COL5A2: variants seen among roughly 807,000 people sequenced by gnomAD.
COL5A2 encodes collagen type V alpha 2 chain.
In COL5A2, 23 loss-of-function variants were observed where a neutral mutation model predicts 208.2. The observed-to-expected ratio is 0.11, with a 90% confidence interval of 0.08 to 0.16. COL5A2 has a LOEUF of 0.16. Ranked by LOEUF, COL5A2 falls within the 10% of genes least tolerant of loss-of-function variation. The probability of loss-of-function intolerance (pLI) is 1.00; values close to 1 mark genes in which losing one functional copy is unlikely to be tolerated. For missense variants in COL5A2, 1,590 were observed against 1,956.4 expected, an observed-to-expected ratio of 0.81 and a Z score of 3.53; for synonymous variants, 625 against 628.5, an observed-to-expected ratio of 0.99 and a Z score of 0.08.
intron 1 of COL5A2, among the ~76,000 whole-genome samples, chr2:189,164,622 CTG>C (rs1383201503): frequency 6.6e-6 from 1 of 151,944 alleles, no homozygotes; most frequent in East Asian, 1.9e-4. Flanking sequence ...ATTTAGCTAA[CTG>C]TTCATTACAG....
intron 1 of COL5A2, among the ~76,000 whole-genome samples, chr2:189,137,400 G>A (rs1313120437): frequency 6.6e-6 from 1 of 152,198 alleles, no homozygotes; most frequent in African/African-American, 2.4e-5. Flanking sequence ...CAAGTAGCAA[G>A]AAGGAAGACT....
At chr2:189,061,452 A>C (rs1247619102) in intron 30 of COL5A2, 110 bp downstream of exon 30, 2 of 845,236 alleles carry the variant, frequency 2.4e-6, no homozygotes, top group African/African-American at 3.4e-5. Flanking sequence ...AAGAGGGATG[A>C]CTTTTTGAAA....
chr2:189,115,575 G>C (rs78173855), intron 1 of COL5A2, among the ~76,000 whole-genome samples: 5,584 of 152,158 alleles, frequency 0.037, 377 homozygotes, highest in African/African-American at 0.13. Flanking sequence ...ATTAACTAAA[G>C]TTCTTTCAAG....
chr2:189,121,265 T>G (rs1687494550), intron 1 of COL5A2, among the ~76,000 whole-genome samples: 1 of 152,106 alleles, frequency 6.6e-6, no homozygotes, highest in South Asian at 2.1e-4. Flanking sequence ...AGCAGTTTTT[T>G]CCAAAAATTC....
At chr2:189,332,553 A>G in the COL5A2 span, among the ~76,000 whole-genome samples, 4 of 151,934 alleles carry the variant, frequency 2.6e-5, no homozygotes, top group Non-Finnish European at 5.9e-5. Context: ...CATAATAGTG[A>G]ATAAGTCTCA....
At chr2:189,085,814 T>C (rs144243072) in intron 9 of COL5A2, 42 bp from the exon 10 acceptor site, 14 of 1,490,078 alleles carry the variant, frequency 9.4e-6, no homozygotes, top group East Asian at 9.1e-5. Context: ...CAAGGAAAAA[T>C]AGAATATTAA....
chr2:189,326,106 A>G, the COL5A2 span, among the ~76,000 whole-genome samples: 1 of 151,944 alleles, frequency 6.6e-6, no homozygotes, highest in South Asian at 2.1e-4. Context: ...CAAAAAAAAA[A>G]AAAAAAAAAG....
At chr2:189,227,995 T>C (rs568334439), upstream of COL5A2, among the ~76,000 whole-genome samples, 5 of 152,042 alleles carry the variant, frequency 3.3e-5, no homozygotes, top group Admixed American at 1.3e-4. Context: ...CTGATCACAA[T>C]AGAATGCAAC....
intron 29 of COL5A2, among the ~76,000 whole-genome samples, chr2:189,062,429 C>A (rs777187181): frequency 9.9e-5 from 15 of 152,100 alleles, no homozygotes; most frequent in Non-Finnish European, 2.2e-4. Flanking sequence ...GGTAATCCAC[C>A]TACCCTGGCC....
chr2:189,317,445 T>C, the COL5A2 span, among the ~76,000 whole-genome samples: 1 of 152,128 alleles, frequency 6.6e-6, no homozygotes, highest in Admixed American at 6.5e-5. Flanking sequence ...TGGCAGACAA[T>C]GTTCCAAATA....
chr2:189,397,033 C>T, the COL5A2 span, among the ~76,000 whole-genome samples: 4 of 150,404 alleles, frequency 2.7e-5, no homozygotes, highest in Non-Finnish European at 4.4e-5. Flanking sequence ...ATTATATAAA[C>T]GTTTCTAGCA....
intron 50 of COL5A2, among the ~76,000 whole-genome samples, chr2:189,040,738 CT>C (rs1290861006): frequency 2.0e-5 from 3 of 152,102 alleles, no homozygotes; most frequent in Non-Finnish European, 4.4e-5. Flanking sequence ...AAAGAAAAGA[CT>C]TTTTTCTAAT....
chr2:189,052,053 T>G, intron 41 of COL5A2, 119 bp downstream of exon 41: 1 of 775,766 alleles, frequency 1.3e-6, no homozygotes, highest in South Asian at 2.0e-5. Context: ...GGAATAAGAG[T>G]TGTTAAATAA....
intron 18 of COL5A2, among the ~76,000 whole-genome samples, chr2:189,071,362 T>C (rs1439959132): frequency 6.6e-6 from 1 of 152,174 alleles, no homozygotes; most frequent in Non-Finnish European, 1.5e-5. Flanking sequence ...GAAAGAGGTG[T>C]TCTGAATTAA....
chr2:189,264,846 G>A, the COL5A2 span, among the ~76,000 whole-genome samples: 1 of 152,108 alleles, frequency 6.6e-6, no homozygotes, highest in African/African-American at 2.4e-5. Context: ...GAAAAATATT[G>A]CCTAAAGAGA....
intron 1 of COL5A2, among the ~76,000 whole-genome samples, chr2:189,199,984 T>C (rs971962663): frequency 6.6e-6 from 1 of 152,168 alleles, no homozygotes; most frequent in Non-Finnish European, 1.5e-5. Flanking sequence ...AGAAAGAGAA[T>C]GAGGTCAGGG....
intron 37 of COL5A2, 69 bp downstream of exon 37, chr2:189,053,825 TA>T (rs1232187192): frequency 1.5e-6 from 2 of 1,300,908 alleles, no homozygotes; most frequent in Non-Finnish European, 2.2e-6. Flanking sequence ...TATATAAATA[TA>T]AAAACAAAAT....
chr2:189,049,540 C>CCAGAGGCACCAT, intron 43 of COL5A2, 86 bp from the exon 44 acceptor site: 1 of 936,202 alleles, frequency 1.1e-6, no homozygotes, highest in Non-Finnish European at 1.7e-6. Flanking sequence ...AAAATGGTGC[C>CCAGAGGCACCAT]TCTGGGCTCC....
chr2:189,052,283 T>A (rs1252262676), intron 40 of COL5A2, 58 bp from the exon 41 acceptor site: 2 of 1,523,330 alleles, frequency 1.3e-6, no homozygotes, highest in Admixed American at 1.7e-5. Context: ...GTTACATGTA[T>A]TTTCCTGGGA....
Sources: gnomAD v4.1 joint callset for allele counts (sites outside exome capture counted in the v4.1 genomes callset) on GRCh38, gnomAD v4.1.1 for gene constraint, MANE v1.5 for transcripts, NCBI Gene and HGNC (gene_info 2026-07-23, HGNC 2026-07-21) for gene names.